C4orf50: variants seen among roughly 807,000 people sequenced by gnomAD.
C4orf50 encodes uncharacterized protein C4orf50.
A neutral mutation model predicts 77.2 loss-of-function variants in C4orf50; 80 were observed. The observed-to-expected ratio is 1.04, with a 90% CI of 0.87 to 1.25. The LOEUF is 1.25. C4orf50 is among the 50% of genes most tolerant of loss of function. The probability of loss-of-function intolerance (pLI) is 0.00; values close to 1 mark genes in which losing one functional copy is unlikely to be tolerated. For synonymous variants in C4orf50, 532 were observed against 465.3 expected (o/e 1.14, Z -1.84); for missense variants, 1,257 against 1,152.9 (o/e 1.09, Z -1.31).
downstream of C4orf50, among the ~76,000 whole-genome samples, chr4:5,954,645 G>A (rs142150555): frequency 6.4e-3 from 969 of 152,160 alleles, 9 homozygotes; most frequent in South Asian, 0.03. This position sits in a 1 kb window ranked among gnomAD's most constrained non-coding sequence, Gnocchi z 4.7. Flanking sequence ...GCCTGTATTC[G>A]ATTCGTTCAT....
At chr4:5,910,314 T>C (rs1221392411) in intron 7 of C4orf50, among the ~76,000 whole-genome samples, 1 of 152,222 alleles carries the variant, frequency 6.6e-6, no homozygotes, top group East Asian at 1.9e-4. Context: ...CTGGTTCCAA[T>C]ATATTTCCTC....
rs755853988 is a variant in C4orf50, at chr4:5,973,713, G to A, written c.4050C>T (p.Asn1350=). The change falls in exon 31 of 34, where the codon AAC becomes AAT. Residue 1350 remains asparagine, a synonymous_variant. Coordinates refer to ENST00000531445, the Ensembl canonical transcript of C4orf50. ...CCGTGTACTCAGCCAGTGCCACGTC[G>A]TTGAGCATGTTCTGCGCCAGCTCGG... 8 of 1,613,862 alleles carry A rather than the reference G, an allele frequency of 5.0e-6. No individual in the cohort carries two copies. In the African/African-American group the frequency reaches 5.3e-5, roughly 11 times the overall value.
Position 6,011,813 on chromosome 4 carries a change from G to C in C4orf50, c.426+17C>G. 2.5e-6 allele frequency: 1 copy of C among 399,156 alleles called. No homozygotes were observed. The highest frequency in any genetic ancestry group is 4.4e-6 in the Non-Finnish European group (1 of 226,152). 24.7% of individuals were successfully genotyped at this position (399,156 alleles called of 1,614,324 possible). ...CTGGACAGGAAACAGGGCCTGGAAA[G>C]GAGAAGGAAACGGTACCTGGCTGGC... On this transcript the variant is annotated intron_variant, in intron 24 of 33. Transcript: ENST00000531445. The surrounding 1 kb of genome is among the most constrained non-coding windows in gnomAD (Gnocchi z 4.2).
At chr4:5,975,139 C>A (rs1449728044) in intron 30 of C4orf50, among the ~76,000 whole-genome samples, 1 of 82,832 alleles carries the variant, frequency 1.2e-5, no homozygotes, top group Non-Finnish European at 2.4e-5. Flanking sequence ...CACTCCATCT[C>A]AAAAAAAAAA....
At position 5,966,136 on chromosome 4, in the gene C4orf50, C is replaced by T. The variant is rs544311394; in HGVS notation, c.4154-991G>A. 7.2e-5 allele frequency among the ~76,000 whole-genome samples: 11 copies of T among 152,326 alleles called. No individual in the cohort carries two copies. In the South Asian group the frequency reaches 2.3e-3, roughly 32 times the overall value. Reference sequence around the variant, plus strand: ...GAAATAAAAAAGAGTAAAACAAGGTCCAGGAAAATTCTGTCTGGTCAGATA... The same window carrying T: ...GAAATAAAAAAGAGTAAAACAAGGTTCAGGAAAATTCTGTCTGGTCAGATA... On this transcript the variant is annotated intron_variant, in intron 32 of 33. Transcript: ENST00000531445.
intron 25 of C4orf50, among the ~76,000 whole-genome samples, chr4:5,998,669 C>T (rs1315515481): frequency 6.6e-6 from 1 of 152,184 alleles, no homozygotes; most frequent in East Asian, 1.9e-4. Context: ...ATCTCTGGGA[C>T]CCTCCAGGCC....
rs1722330215 is a variant in C4orf50 at position 6,008,213 on chromosome 4, C to T, written c.746G>A (p.Arg249His). The T allele has an allele frequency of 1.3e-5, 5 of 397,460 alleles. No homozygotes were observed. In the South Asian group the frequency reaches 5.1e-4, roughly 40 times the overall value. 24.6% of individuals were successfully genotyped at this position (397,460 alleles called of 1,614,324 possible). A position where few individuals can be genotyped will look rare whatever the true frequency, so the allele number is the denominator to read the frequency against. The change falls in exon 25 of 34, where the codon CGC (arginine) becomes CAC (histidine). Residue 249 changes from arginine (R) to histidine (H), a missense_variant. By Grantham distance (29) the Arg-to-His change is conservative (BLOSUM62 0). Transcript: ENST00000531445. This position sits in a 1 kb window ranked among gnomAD's most constrained non-coding sequence, Gnocchi z 6.0. ...CGCCTCTTCCCGCTCGCGCTCGCTG[C>T]GCTCTGCCCTCGCCTGCAGGGCGCG...
intron 28 of C4orf50, among the ~76,000 whole-genome samples, chr4:5,981,747 G>T (rs1044106524): frequency 6.6e-6 from 1 of 152,102 alleles, no homozygotes. Flanking sequence ...TGCTGAGGCG[G>T]CCTTAGAAGA....
intron 32 of C4orf50, among the ~76,000 whole-genome samples, chr4:5,966,936 C>T (rs920873914): frequency 1.3e-5 from 2 of 152,236 alleles, no homozygotes; most frequent in African/African-American, 4.8e-5. Flanking sequence ...GCGTGAGCCA[C>T]TGCGCCTGGC....
chr4:5,994,922 C>T (rs1467887751), intron 25 of C4orf50, among the ~76,000 whole-genome samples: 2 of 152,146 alleles, frequency 1.3e-5, no homozygotes, highest in Non-Finnish European at 2.9e-5. Flanking sequence ...CTCATAGAAG[C>T]GTGAACCCTA....
chr4:5,912,113 T>G (rs1383488597), intron 7 of C4orf50, among the ~76,000 whole-genome samples: 1 of 152,008 alleles, frequency 6.6e-6, no homozygotes, highest in African/African-American at 2.4e-5. Flanking sequence ...ATACCAGACC[T>G]GATTTTCGGC....
At chr4:5,927,441 G>A (rs2108742419) in intron 7 of C4orf50, among the ~76,000 whole-genome samples, 1 of 151,956 alleles carries the variant, frequency 6.6e-6, no homozygotes, top group Middle Eastern at 3.4e-3. Flanking sequence ...CCTATCCAGT[G>A]ATATGGCTTG....
At chr4:5,955,067 T>C (rs1051220000), downstream of C4orf50, among the ~76,000 whole-genome samples, 4 of 152,134 alleles carry the variant, frequency 2.6e-5, no homozygotes, top group Non-Finnish European at 2.9e-5. The surrounding 1 kb of genome is among the most constrained non-coding windows in gnomAD (Gnocchi z 5.1). Flanking sequence ...GCTGTGAGCG[T>C]GTCTCCCTCT....
chr4:5,996,805 T>A (rs1721613102), intron 25 of C4orf50, among the ~76,000 whole-genome samples: 1 of 152,208 alleles, frequency 6.6e-6, no homozygotes. Context: ...GGCAGCGACA[T>A]CCTGTCCTGA....
At chr4:5,915,954 G>A (rs994452672) in intron 7 of C4orf50, among the ~76,000 whole-genome samples, 15 of 152,324 alleles carry the variant, frequency 9.8e-5, no homozygotes, top group Admixed American at 2.6e-4. Flanking sequence ...CACTGAGATA[G>A]ACCAGGTTTT....
intron 7 of C4orf50, among the ~76,000 whole-genome samples, chr4:5,915,230 C>T (rs1327085390): frequency 1.3e-5 from 2 of 152,218 alleles, no homozygotes; most frequent in Non-Finnish European, 1.5e-5. Context: ...CCAGGACCCC[C>T]TTCATCTTGC....
intron 28 of C4orf50, among the ~76,000 whole-genome samples, chr4:5,986,247 T>A (rs1268018353): frequency 1.3e-5 from 2 of 152,186 alleles, no homozygotes; most frequent in Non-Finnish European, 2.9e-5. Context: ...CACAACCTGG[T>A]CAATAAAACA....
intron 7 of C4orf50, among the ~76,000 whole-genome samples, chr4:5,948,433 G>A (rs1249093943): frequency 2.6e-5 from 4 of 152,202 alleles, no homozygotes; most frequent in African/African-American, 9.7e-5. Flanking sequence ...GGGAGGCCGA[G>A]GTGGGTGGGT....
chr4:5,951,774 C>T (rs903264746), intron 7 of C4orf50, among the ~76,000 whole-genome samples: 6 of 152,154 alleles, frequency 3.9e-5, no homozygotes, highest in African/African-American at 1.2e-4. Flanking sequence ...ATAATGCGTT[C>T]GCTCTCCGTC....
Sources: gnomAD v4.1 joint callset for allele counts (sites outside exome capture counted in the v4.1 genomes callset) on GRCh38, gnomAD v4.1.1 for gene constraint, Gnocchi (gnomAD v3.1) non-coding constraint, MANE v1.5 for transcripts, NCBI Gene and HGNC (gene_info 2026-07-23, HGNC 2026-07-21) for gene names.